The following EYA4 variants were observed in gnomAD, a reference collection of about 807,000 sequenced individuals.
EYA4 encodes protein phosphatase EYA4.
In EYA4, 31 loss-of-function variants were observed where a neutral mutation model predicts 87.9. The ratio of observed to expected loss-of-function variants is 0.35; its 90% CI spans 0.27 to 0.48. The LOEUF is 0.48. EYA4 is among the 20% of genes least tolerant of loss of function. The pLI, the probability that EYA4 is intolerant of heterozygous loss-of-function variation, is 0.99. For synonymous variants in EYA4, 263 were observed against 270.6 expected, an observed-to-expected ratio of 0.97 and a Z score of 0.28; for missense variants, 678 against 761.4, an observed-to-expected ratio of 0.89 and a Z score of 1.29.
intron 2 of EYA4, among the ~76,000 whole-genome samples, chr6:133,297,760 TTCTCTGA>T (rs1779052912): frequency 6.6e-6 from 1 of 152,238 alleles, no homozygotes; most frequent in Admixed American, 6.5e-5. Context: ...CAACAAAGGT[TTCTCTGA>T]ACATCTGATT....
At chr6:133,480,585 T>G (rs748929744) in intron 11 of EYA4, among the ~76,000 whole-genome samples, 1 of 152,118 alleles carries the variant, frequency 6.6e-6, no homozygotes, top group African/African-American at 2.4e-5. Context: ...GTAAAACATA[T>G]CATTGATAAT....
chr6:133,252,868 G>A (rs895362598), intron 1 of EYA4, among the ~76,000 whole-genome samples: 3 of 151,328 alleles, frequency 2.0e-5, no homozygotes, highest in African/African-American at 7.3e-5. Flanking sequence ...AATCATGGAA[G>A]CAGTCAGACT....
chr6:133,351,371 G>A (rs1223392476), intron 2 of EYA4, among the ~76,000 whole-genome samples: 1 of 152,134 alleles, frequency 6.6e-6, no homozygotes, highest in South Asian at 2.1e-4. Context: ...CAGTCTTGTT[G>A]TGTTTCAACC....
intron 3 of EYA4, among the ~76,000 whole-genome samples, chr6:133,443,575 C>G (rs1460012166): frequency 6.6e-6 from 1 of 151,604 alleles, no homozygotes; most frequent in Non-Finnish European, 1.5e-5. Context: ...GTTTAATTTC[C>G]TTTTCTTCCT....
intron 13 of EYA4, among the ~76,000 whole-genome samples, chr6:133,495,123 G>GCCAGGTGTGGTGGTGGGCA (rs1797524818): frequency 6.6e-6 from 1 of 151,866 alleles, no homozygotes; most frequent in Non-Finnish European, 1.5e-5. Context: ...AAAAAAATTA[G>GCCAGGTGTGGTGGTGGGCA]CCAGGTGTGG....
chr6:133,501,823 C>G (rs73546823), intron 13 of EYA4, among the ~76,000 whole-genome samples: 4 of 152,258 alleles, frequency 2.6e-5, no homozygotes, highest in African/African-American at 9.6e-5. Flanking sequence ...CAGTGTGTCC[C>G]TAGAGGAGGA....
chr6:133,445,077 G>A (rs953091841), intron 3 of EYA4, among the ~76,000 whole-genome samples: 3 of 151,844 alleles, frequency 2.0e-5, no homozygotes, highest in Admixed American at 1.3e-4. Context: ...TGCTTTAATC[G>A]TTCTGTTGGG....
At chr6:133,394,149 T>A (rs1413868494) in intron 3 of EYA4, among the ~76,000 whole-genome samples, 1 of 152,172 alleles carries the variant, frequency 6.6e-6, no homozygotes, top group African/African-American at 2.4e-5. Flanking sequence ...GCATGCTTAC[T>A]GTGCCAAATA....
intron 4 of EYA4, among the ~76,000 whole-genome samples, 198 bp downstream of exon 4, chr6:133,446,952 T>G (rs1183929489): frequency 1.3e-5 from 2 of 152,222 alleles, no homozygotes; most frequent in African/African-American, 4.8e-5. Flanking sequence ...GCTGGGAACA[T>G]TCACAGAGAA....
intron 11 of EYA4, among the ~76,000 whole-genome samples, chr6:133,479,183 C>G (rs1156606607): frequency 6.6e-6 from 1 of 152,012 alleles, no homozygotes; most frequent in Admixed American, 6.6e-5. Flanking sequence ...AAAAATGGAA[C>G]TTTTATGTGA....
At chr6:133,480,613 C>T (rs55699790) in intron 11 of EYA4, among the ~76,000 whole-genome samples, 2,582 of 152,080 alleles carry the variant, frequency 0.017, 70 homozygotes, top group African/African-American at 0.059. Context: ...TGATTACATA[C>T]GGATATAACA....
intron 3 of EYA4, among the ~76,000 whole-genome samples, chr6:133,418,899 C>T (rs1789980726): frequency 6.6e-6 from 1 of 152,076 alleles, no homozygotes; most frequent in South Asian, 2.1e-4. Flanking sequence ...GATTTACTTA[C>T]ATGGCCTTCT....
intron 13 of EYA4, among the ~76,000 whole-genome samples, chr6:133,487,109 T>G (rs6921578): frequency 0.092 from 13,986 of 151,894 alleles, 1,269 homozygotes; most frequent in African/African-American, 0.22. Flanking sequence ...TGAGTGTAGG[T>G]TTTTGCATTG....
intron 2 of EYA4, among the ~76,000 whole-genome samples, chr6:133,283,488 C>T (rs1777792293): frequency 6.6e-6 from 1 of 152,054 alleles, no homozygotes; most frequent in Non-Finnish European, 1.5e-5. Flanking sequence ...AGGTACCATG[C>T]CAAGTGCTTT....
chr6:133,330,566 T>C (rs1582977412), intron 2 of EYA4, among the ~76,000 whole-genome samples: 1 of 54,726 alleles, frequency 1.8e-5, no homozygotes, highest in African/African-American at 8.9e-5. Context: ...TATATATATA[T>C]ATACACACAC....
chr6:133,401,409 C>T lies in EYA4; in HGVS notation c.83+18968C>T, dbSNP rs912317663. Among the ~76,000 whole-genome samples the T allele has an allele frequency of 2.0e-5, 3 of 151,978 alleles. No individual in the cohort carries two copies. In the South Asian group the frequency reaches 6.2e-4, roughly 32 times the overall value. On this transcript the variant is annotated intron_variant, in intron 3 of 19. Transcript: ENST00000355286. ...TCTAAAAGAGAATAATTGGAATGTT[C>T]CTAGCATAAAGAAAATACAAATATT...
intron 18 of EYA4, among the ~76,000 whole-genome samples, chr6:133,523,637 C>T (rs1471262143): frequency 6.6e-6 from 1 of 152,066 alleles, no homozygotes; most frequent in Non-Finnish European, 1.5e-5. Context: ...TAGGAATATT[C>T]ATAACACATG....
chr6:133,324,658 C>G (rs1381766523), intron 2 of EYA4, among the ~76,000 whole-genome samples: 1 of 151,938 alleles, frequency 6.6e-6, no homozygotes, highest in Non-Finnish European at 1.5e-5. Context: ...AGATAGGAGA[C>G]CAATACCAGG....
intron 4 of EYA4, among the ~76,000 whole-genome samples, chr6:133,447,718 A>C (rs1792991133): frequency 6.6e-6 from 1 of 152,178 alleles, no homozygotes; most frequent in African/African-American, 2.4e-5. Flanking sequence ...GTTTTACACC[A>C]GTTCCCTTGT....
Sources: allele counts gnomAD v4.1 joint callset (sites outside exome capture counted in the v4.1 genomes callset), GRCh38; gene constraint gnomAD v4.1.1; transcripts MANE v1.5; gene names NCBI Gene and HGNC (gene_info 2026-07-23, HGNC 2026-07-21).